NFAT5: variants seen among roughly 807,000 people sequenced by gnomAD.
NFAT5 encodes the protein nuclear factor of activated T-cells 5.
A neutral mutation model predicts 166.5 loss-of-function variants in NFAT5; 31 were observed. The observed-to-expected ratio is 0.19, with a 90% CI of 0.14 to 0.25. The LOEUF (loss-of-function observed/expected upper bound fraction) is 0.25. Ranked by LOEUF, NFAT5 falls within the 10% of genes least tolerant of loss-of-function variation. The pLI is 1.00. For synonymous variants in NFAT5, 612 were observed against 639.7 expected (o/e 0.96, Z 0.65); for missense variants, 1,449 against 1,821.8 (o/e 0.80, Z 3.72).
Position 69,702,052 on chromosome 16 carries a change from G to A in NFAT5, c.*5701G>A, listed in dbSNP as rs1459838988. On this transcript the variant is annotated 3_prime_UTR_variant, in exon 15 of 15. Transcript: ENST00000349945. ...GGATCATCAGCAACAGGTCAGGATA[G>A]TTCTACCTTTGGGATAGGGCTGCTT... 1.3e-5 allele frequency: 2 copies of A among 152,642 alleles called. No homozygotes were observed. 9.5% of individuals were successfully genotyped at this position (152,642 alleles called of 1,614,324 possible). A position where few individuals can be genotyped will look rare whatever the true frequency, so the allele number is the denominator to read the frequency against.
chr16:69,656,127 A>G (rs975188258), intron 6 of NFAT5, among the ~76,000 whole-genome samples: 1 of 151,938 alleles, frequency 6.6e-6, no homozygotes, highest in South Asian at 2.1e-4. Flanking sequence ...CTGAAAGTAC[A>G]AAAATTAGCT....
chr16:69,692,693 G>T lies in NFAT5; in HGVS notation c.2868G>T (p.Met956Ile). Residue 956 changes from methionine (M) to isoleucine (I), a missense_variant, in exon 13 of 15, where the codon ATG becomes ATT. Coordinates refer to ENST00000349945, the MANE Select transcript of NFAT5 (RefSeq NM_138713.4). ...QSPVYQQTSH[M>I]MSALSTNEDM... ...CAGTTTACCAGCAGACTTCTCACAT[G>T]ATGAGTGCATTGTCTACCAATGAGG... 6.2e-7 allele frequency: 1 copy of T among 1,614,234 alleles called. No individual in the cohort carries two copies. Among genetic ancestry groups the T allele is most frequent in the Non-Finnish European group, 8.5e-7 (1 of 1,180,048 alleles).
chr16:69,609,082 C>T (rs2033574545), intron 2 of NFAT5, among the ~76,000 whole-genome samples: 1 of 151,290 alleles, frequency 6.6e-6, no homozygotes. Flanking sequence ...GATCATGCCA[C>T]TGCACTCCAG....
Position 69,702,527 on chromosome 16 carries a change from T to TAAA in NFAT5, c.*6176_*6177insAAA, listed in dbSNP as rs1389678398. On this transcript the variant is annotated 3_prime_UTR_variant, in exon 15 of 15. Coordinates refer to ENST00000349945, the MANE Select transcript of NFAT5 (RefSeq NM_138713.4). ...CTACATATGTAGTATGTGCAACCAG[T>TAAA]GGTTCTCAGAGTATGGTTCTCAGCC... is the stretch of plus-strand genomic sequence containing the variant. The TAAA allele has an allele frequency of 6.6e-6, 1 of 152,188 alleles. No individual in the cohort carries two copies. The highest frequency in any genetic ancestry group is 6.5e-5 in the Admixed American group (1 of 15,280). 9.4% of individuals were successfully genotyped at this position (152,188 alleles called of 1,614,324 possible).
At chr16:69,676,457 C>T (rs1236944721) in intron 9 of NFAT5, among the ~76,000 whole-genome samples, 1 of 152,218 alleles carries the variant, frequency 6.6e-6, no homozygotes, top group Non-Finnish European at 1.5e-5. Flanking sequence ...AAATACATCT[C>T]ACATTGAGGT....
At chr16:69,646,654 G>A (rs889553914) in intron 3 of NFAT5, 25 of 460,226 alleles carry the variant, frequency 5.4e-5, no homozygotes, top group South Asian at 2.9e-5. Context: ...TATTTAATTG[G>A]CATTGAATGT....
At chr16:69,662,332 C>G (rs2036179435) in intron 7 of NFAT5, among the ~76,000 whole-genome samples, 1 of 151,728 alleles carries the variant, frequency 6.6e-6, no homozygotes, top group Non-Finnish European at 1.5e-5. Context: ...TAAATATGCT[C>G]CCTGGAAGGA....
At chr16:69,595,819 T>C (rs1050424086) in intron 2 of NFAT5, among the ~76,000 whole-genome samples, 12 of 151,310 alleles carry the variant, frequency 7.9e-5, no homozygotes, top group Admixed American at 7.9e-4. Context: ...AAATAAGGGT[T>C]ACTTGAACAC....
chr16:69,597,792 A>G (rs1271499547), intron 2 of NFAT5, among the ~76,000 whole-genome samples: 7 of 151,850 alleles, frequency 4.6e-5, no homozygotes, highest in Non-Finnish European at 8.8e-5. Flanking sequence ...ACAGGGTTTC[A>G]CCATGTTAGC....
intron 3 of NFAT5, among the ~76,000 whole-genome samples, chr16:69,639,357 C>T (rs1327598841): frequency 6.6e-6 from 1 of 151,970 alleles, no homozygotes; most frequent in East Asian, 1.9e-4. Context: ...TCAGGGAGCA[C>T]TCTTTAGTAA....
At chr16:69,597,371 CAT>C (rs143708077) in intron 2 of NFAT5, among the ~76,000 whole-genome samples, 1 of 151,702 alleles carries the variant, frequency 6.6e-6, no homozygotes, top group African/African-American at 2.4e-5. Context: ...AGTTATTTTA[CAT>C]ATATATATAT....
chr16:69,666,411 A>C (rs200907847), intron 7 of NFAT5, among the ~76,000 whole-genome samples: 24,228 of 151,064 alleles, frequency 0.16, 2,116 homozygotes, highest in East Asian at 0.36. Flanking sequence ...AAATTTTCGC[A>C]ACCTACTCAT....
rs555689999 is a variant in NFAT5, at chr16:69,633,690, G to C, written c.253+7162G>C. On this transcript the variant is annotated intron_variant, in intron 3 of 14. Coordinates refer to ENST00000349945, the MANE Select transcript of NFAT5 (RefSeq NM_138713.4). ...TAATAGAGGCTGGGAAGGGTAGGAGGAAGGAAGGGATAGGGAGAAATTTGT... is the reference window on the plus strand; with the variant it reads ...TAATAGAGGCTGGGAAGGGTAGGAGCAAGGAAGGGATAGGGAGAAATTTGT... 2.0e-5 allele frequency among the ~76,000 whole-genome samples: 3 copies of C among 152,286 alleles called. No individual in the cohort carries two copies. In the South Asian group the frequency reaches 6.2e-4, roughly 32 times the overall value.
chr16:69,622,700 A>G (rs2034252978), intron 2 of NFAT5, among the ~76,000 whole-genome samples: 1 of 152,182 alleles, frequency 6.6e-6, no homozygotes. Context: ...AATCCTGATT[A>G]GTAACATGCT....
In NFAT5 at chr16:69,653,431, ATTTAC is replaced by A; in HGVS notation, c.1005+8_1005+12del. 6.8e-7 allele frequency: 1 copy of A among 1,474,660 alleles called. No homozygotes were observed. The highest frequency in any genetic ancestry group is 9.0e-7 in the Non-Finnish European group (1 of 1,106,234). 91.3% of individuals were successfully genotyped at this position (1,474,660 alleles called of 1,614,324 possible). On this transcript the variant is annotated splice_donor_5th_base_variant and intron_variant, in intron 5 of 14. Coordinates refer to ENST00000349945, the MANE Select transcript of NFAT5 (RefSeq NM_138713.4). The stretch of plus-strand genomic sequence containing the variant: ...AGCAAGGCTTTCCTACAGTAAAGGT[ATTTAC>A]TTTATTTATCATTTGAATTTTAGTT...
At chr16:69,680,886 A>G (rs2037031713) in intron 10 of NFAT5, among the ~76,000 whole-genome samples, 1 of 151,984 alleles carries the variant, frequency 6.6e-6, no homozygotes, top group Admixed American at 6.6e-5. Flanking sequence ...CAGCCTCCGA[A>G]GTAGCTGGGA....
rs1335937661 is a variant in NFAT5 at position 69,699,480 on chromosome 16, T to G, written c.*3129T>G. The G allele has an allele frequency of 6.5e-6, 1 of 152,684 alleles. No homozygotes were observed. Among genetic ancestry groups the G allele is most frequent in the Non-Finnish European group, 1.5e-5 (1 of 68,052 alleles). 9.5% of individuals were successfully genotyped at this position (152,684 alleles called of 1,614,324 possible). A position where few individuals can be genotyped will look rare whatever the true frequency, so the allele number is the denominator to read the frequency against. ...GTTCAATAATAATAGGTTTGTTGTT[T>G]TTTTTACATTGTTAAATGTTCCTTA... On this transcript the variant is annotated 3_prime_UTR_variant, in exon 15 of 15. Transcript: ENST00000349945.
At chr16:69,689,200 C>T (rs1019881253) in intron 11 of NFAT5, among the ~76,000 whole-genome samples, 1 of 152,076 alleles carries the variant, frequency 6.6e-6, no homozygotes, top group African/African-American at 2.4e-5. Flanking sequence ...TTGCCTGAGC[C>T]CAGGAGGTGG....
At chr16:69,648,367 G>A in intron 4 of NFAT5, 2 of 982,270 alleles carry the variant, frequency 2.0e-6, no homozygotes, top group African/African-American at 3.5e-5. Context: ...AAACTAAATT[G>A]AGAGTTTGAT....
Sources: gnomAD v4.1 joint callset for allele counts (sites outside exome capture counted in the v4.1 genomes callset) on GRCh38, gnomAD v4.1.1 for gene constraint, MANE v1.5 for transcripts, NCBI Gene and HGNC (gene_info 2026-07-23, HGNC 2026-07-21) for gene names.